Variants in CCSER1 observed in about 807,000 individuals in gnomAD.
The protein encoded by CCSER1 is serine-rich coiled-coil domain-containing protein 1.
A neutral mutation model predicts 82.0 loss-of-function variants in CCSER1; 41 were observed. The observed-to-expected ratio is 0.50, with a 90% CI of 0.39 to 0.65. The LOEUF (loss-of-function observed/expected upper bound fraction) is 0.65. CCSER1 is among the 30% of genes least tolerant of loss of function. The pLI is 0.00. For synonymous variants in CCSER1, 414 were observed against 383.9 expected (o/e 1.08, Z -0.92); for missense variants, 1,119 against 1,064.2 (o/e 1.05, Z -0.72).
intron 7 of CCSER1, among the ~76,000 whole-genome samples, chr4:90,755,047 GA>G (rs1029626600): frequency 3.9e-5 from 6 of 152,190 alleles, no homozygotes; most frequent in African/African-American, 1.2e-4. Context: ...TGGGGAAGGA[GA>G]AAAAAACCAT....
intron 3 of CCSER1, among the ~76,000 whole-genome samples, chr4:90,323,403 G>A (rs1737527856): frequency 6.6e-6 from 1 of 152,196 alleles, no homozygotes; most frequent in Non-Finnish European, 1.5e-5. Context: ...GGTGGAGCTA[G>A]CTGGAGCTCA....
intron 5 of CCSER1, among the ~76,000 whole-genome samples, chr4:90,529,711 T>G (rs1205340535): frequency 6.6e-6 from 1 of 152,138 alleles, no homozygotes; most frequent in Non-Finnish European, 1.5e-5. Flanking sequence ...TTTAACGAAA[T>G]GTGGATGTTC....
intron 1 of CCSER1, among the ~76,000 whole-genome samples, chr4:90,263,759 A>G (rs1724753465): frequency 6.6e-6 from 1 of 152,120 alleles, no homozygotes. Context: ...GGGTGGAGCT[A>G]TAAAGCTCCC....
chr4:91,481,766 C>A (rs1013809652), intron 10 of CCSER1, among the ~76,000 whole-genome samples: 1 of 151,832 alleles, frequency 6.6e-6, no homozygotes, highest in Non-Finnish European at 1.5e-5. Flanking sequence ...TCATAGTGGC[C>A]CAGGTGGAGG....
intron 5 of CCSER1, among the ~76,000 whole-genome samples, chr4:90,612,411 C>G (rs1326060491): frequency 6.6e-6 from 1 of 152,112 alleles, no homozygotes; most frequent in Non-Finnish European, 1.5e-5. Context: ...TTTAGCCTTT[C>G]TCATGAACAA....
intron 8 of CCSER1, among the ~76,000 whole-genome samples, chr4:90,922,096 C>A (rs1354742737): frequency 6.6e-6 from 1 of 152,040 alleles, no homozygotes; most frequent in African/African-American, 2.4e-5. Context: ...CTCTGACTAG[C>A]AGCACTAGAT....
At position 91,312,327 on chromosome 4, in the gene CCSER1, A is replaced by T. The variant is rs546637227; in HGVS notation, c.2217+226333A>T. ...AAGAATATCAAGGAGAAAGAGGCAG[A>T]GATTCCAATGTGGTGGTAAGAGTGA... On this transcript the variant is annotated intron_variant, in intron 10 of 10. Transcript: ENST00000509176. 9.9e-5 allele frequency among the ~76,000 whole-genome samples: 15 copies of T among 151,920 alleles called. No individual in the cohort carries two copies. The East Asian group carries it at 2.9e-3, about 30-fold the overall frequency.
chr4:90,683,256 C>A (rs570041293), intron 6 of CCSER1: 1 of 152,094 alleles, frequency 6.6e-6, no homozygotes, highest in East Asian at 1.9e-4. Context: ...TAGAGAGAAT[C>A]TTAAAGTGCT....
chr4:90,377,756 A>G (rs747156166), intron 3 of CCSER1, among the ~76,000 whole-genome samples: 1 of 152,142 alleles, frequency 6.6e-6, no homozygotes, highest in African/African-American at 2.4e-5. Context: ...TTCATAATAG[A>G]TCTGATTATA....
At chr4:90,319,206 A>G (rs956100097) in intron 3 of CCSER1, among the ~76,000 whole-genome samples, 2 of 152,212 alleles carry the variant, frequency 1.3e-5, no homozygotes, top group Non-Finnish European at 2.9e-5. Context: ...AAGAACGTAC[A>G]AAATGAATCT....
chr4:90,736,615 G>C (rs915514888), intron 7 of CCSER1, among the ~76,000 whole-genome samples: 4 of 146,088 alleles, frequency 2.7e-5, no homozygotes, highest in African/African-American at 1.1e-4. Context: ...TGTGTTTCTT[G>C]TAGGAAACAG....
Position 91,020,617 on chromosome 4 carries a change from G to A in CCSER1, c.2173-65333G>A, listed in dbSNP as rs111893010. On this transcript the variant is annotated intron_variant, in intron 9 of 10. Coordinates refer to ENST00000509176, the MANE Select transcript of CCSER1 (RefSeq NM_001145065.2). ...GCGGGGCTTGCAGTGAGCCGAGATC[G>A]CGCCACTGCACTCCAGCCTGGGTGA... Among the ~76,000 whole-genome samples, 7 of 151,794 alleles carry A rather than the reference G, an allele frequency of 4.6e-5. No individual in the cohort carries two copies. The South Asian group carries it at 6.2e-4, about 14-fold the overall frequency.
At chr4:90,643,832 T>C (rs915557095) in intron 6 of CCSER1, among the ~76,000 whole-genome samples, 3 of 152,288 alleles carry the variant, frequency 2.0e-5, no homozygotes, top group Admixed American at 6.5e-5. Flanking sequence ...ATCATATAAA[T>C]GTTGTTGTAA....
At chr4:90,826,608 T>C (rs982434301) in intron 8 of CCSER1, among the ~76,000 whole-genome samples, 1 of 152,242 alleles carries the variant, frequency 6.6e-6, no homozygotes, top group African/African-American at 2.4e-5. Flanking sequence ...TCCCAGTTCA[T>C]TCATAATAAA....
At chr4:90,370,452 G>A (rs1178305845) in intron 3 of CCSER1, 1 of 151,974 alleles carries the variant, frequency 6.6e-6, no homozygotes, top group East Asian at 1.9e-4. Context: ...CTTAAGAAGA[G>A]GTTATATTGT....
At chr4:90,861,026 C>G (rs538634683) in intron 8 of CCSER1, among the ~76,000 whole-genome samples, 16 of 151,016 alleles carry the variant, frequency 1.1e-4, no homozygotes, top group African/African-American at 3.9e-4. Context: ...AATTATAACT[C>G]GATAAAACAA....
At chr4:91,036,596 T>C (rs1189218285) in intron 9 of CCSER1, among the ~76,000 whole-genome samples, 2 of 152,140 alleles carry the variant, frequency 1.3e-5, no homozygotes, top group Non-Finnish European at 2.9e-5. Flanking sequence ...TATAGTAGTC[T>C]CATTTTATTT....
chr4:90,470,771 A>AC (rs1560569631), intron 5 of CCSER1, among the ~76,000 whole-genome samples: 1 of 151,126 alleles, frequency 6.6e-6, no homozygotes, highest in African/African-American at 2.4e-5. Context: ...GCAAAAAAAA[A>AC]AAAAAAAAAA....
At chr4:90,644,175 T>G (rs992547925) in intron 6 of CCSER1, among the ~76,000 whole-genome samples, 8 of 152,154 alleles carry the variant, frequency 5.3e-5, no homozygotes, top group Non-Finnish European at 7.3e-5. Flanking sequence ...TGTTTCAGAT[T>G]TCAGAGTTTT....
Sources: allele counts gnomAD v4.1 joint callset (sites outside exome capture counted in the v4.1 genomes callset), GRCh38; gene constraint gnomAD v4.1.1; transcripts MANE v1.5; gene names NCBI Gene and HGNC (gene_info 2026-07-23, HGNC 2026-07-21).